DNAH6: variants seen among roughly 807,000 people sequenced by gnomAD.
DNAH6 encodes axonemal beta dynein heavy chain 6.
DNAH6 carries 340 observed loss-of-function variants against 491.4 expected under a neutral mutation model. That is an observed-to-expected ratio of 0.69 (90% confidence interval 0.63 to 0.76). The LOEUF (loss-of-function observed/expected upper bound fraction) is 0.76, where lower values mean the gene tolerates loss of function less well. Among genes scored for constraint, DNAH6 ranks in the 30% least tolerant of loss-of-function variants. The pLI, the probability that DNAH6 is intolerant of heterozygous loss-of-function variation, is 0.00. For synonymous variants in DNAH6, 1,603 were observed against 1,686.1 expected, an observed-to-expected ratio of 0.95 and a Z score of 1.21; for missense variants, 4,443 against 4,972.2, an observed-to-expected ratio of 0.89 and a Z score of 3.20.
At chr2:84,545,252 A>G (rs184808719) in intron 5 of DNAH6, among the ~76,000 whole-genome samples, 7 of 152,312 alleles carry the variant, frequency 4.6e-5, no homozygotes, top group Admixed American at 4.6e-4. Flanking sequence ...ACAATAGGGA[A>G]ACATTCAAGG....
chr2:84,700,989 AGGGGACT>A, intron 48 of DNAH6, 101 bp from the exon 49 acceptor site: 1 of 1,262,196 alleles, frequency 7.9e-7, no homozygotes, highest in Non-Finnish European at 1.1e-6. Context: ...CTAGGTGAAG[AGGGGACT>A]GGGCAGGGAG....
the DNAH6 span, among the ~76,000 whole-genome samples, chr2:84,505,745 T>G: frequency 6.6e-6 from 1 of 152,156 alleles, no homozygotes; most frequent in African/African-American, 2.4e-5. Context: ...TGTGTTATGT[T>G]CCCCTTCCTG....
chr2:84,683,412 A>ATTTTTTTTTT lies in DNAH6; in HGVS notation c.6917-1896_6917-1887dup, dbSNP rs61217837. Reference sequence around the variant, plus strand: ...GTGCCCTTTGTTCTACACCACTCTTATTTTTTTTTTTTTTTTTTTTTTTTT... The same window carrying ATTTTTTTTTT: ...GTGCCCTTTGTTCTACACCACTCTTATTTTTTTTTTTTTTTTTTTTTTTTTTTTTTTTTTT... On this transcript the variant is annotated intron_variant, in intron 42 of 76. Transcript: ENST00000389394. Among the ~76,000 whole-genome samples the ATTTTTTTTTT allele has an allele frequency of 1.8e-4, 17 of 93,898 alleles. 2 individuals carry two copies. Among genetic ancestry groups the ATTTTTTTTTT allele is most frequent in the Non-Finnish European group, 2.7e-4 (13 of 47,920 alleles). The allele number at this position is 93,898 out of a possible 152,430, so 61.6% of individuals were successfully genotyped here.
the DNAH6 span, among the ~76,000 whole-genome samples, chr2:84,505,706 C>G: frequency 5.3e-5 from 8 of 152,110 alleles, no homozygotes; most frequent in Non-Finnish European, 8.8e-5. Flanking sequence ...TATCCCTCCC[C>G]ACTCCCTCCA....
At chr2:84,519,912 T>C (rs1675984562) in intron 2 of DNAH6, among the ~76,000 whole-genome samples, 1 of 152,096 alleles carries the variant, frequency 6.6e-6, no homozygotes, top group Non-Finnish European at 1.5e-5. Context: ...TGTGTGTATT[T>C]GTAATATTTT....
At chr2:84,463,138 G>A in the DNAH6 span, among the ~76,000 whole-genome samples, 1 of 152,158 alleles carries the variant, frequency 6.6e-6, no homozygotes, top group East Asian at 1.9e-4. Flanking sequence ...AGAGAGAATA[G>A]AACATCAGGA....
At chr2:84,569,346 A>G (rs142937208) in intron 11 of DNAH6, among the ~76,000 whole-genome samples, 1 of 152,230 alleles carries the variant, frequency 6.6e-6, no homozygotes, top group African/African-American at 2.4e-5. Context: ...AAGGGAGATA[A>G]ACCAGAAACT....
intron 2 of DNAH6, among the ~76,000 whole-genome samples, chr2:84,519,874 C>T (rs977046110): frequency 6.6e-6 from 1 of 151,804 alleles, no homozygotes; most frequent in South Asian, 2.1e-4. Flanking sequence ...TGTAATTTTA[C>T]AAATGTATGA....
the DNAH6 span, among the ~76,000 whole-genome samples, chr2:84,478,365 T>C: frequency 3.3e-4 from 50 of 152,156 alleles, no homozygotes; most frequent in East Asian, 8.1e-3. Flanking sequence ...TGACAGAGAG[T>C]GGCACTGCTT....
chr2:84,605,536 C>G lies in DNAH6; in HGVS notation c.3118C>G (p.Leu1040Val). 6.4e-7 allele frequency: 1 copy of G among 1,551,446 alleles called. No homozygotes were observed. Among genetic ancestry groups the G allele is most frequent in the South Asian group, 1.2e-5 (1 of 84,042 alleles). The change falls in exon 20 of 77, where the codon CTG (leucine) becomes GTG (valine). Residue 1040 changes from leucine to valine, a missense_variant. Physicochemically the swap from Leu to Val is conservative, Grantham distance 32 (BLOSUM62 1). Transcript: ENST00000389394. ...DSWKTTEFVILPHRDSKDVFI... is the reference protein window; with the variant it reads ...DSWKTTEFVIVPHRDSKDVFI... The stretch of plus-strand genomic sequence containing the variant: ...TTGGAAAACAACTGAATTTGTCATT[C>G]TGCCTCACCGTGACTCCAAAGATGT...
chr2:84,474,089 G>A, the DNAH6 span, among the ~76,000 whole-genome samples: 2 of 152,034 alleles, frequency 1.3e-5, no homozygotes, highest in South Asian at 4.2e-4. Flanking sequence ...GGCAGCTAAA[G>A]GAATGGTAAA....
intron 37 of DNAH6, among the ~76,000 whole-genome samples, chr2:84,668,604 A>G (rs890253176): frequency 6.6e-6 from 1 of 152,088 alleles, no homozygotes; most frequent in Admixed American, 6.5e-5. Context: ...AGCATACACC[A>G]TATTTTCCAT....
At chr2:84,778,121 G>GT in intron 64 of DNAH6, 2 of 781,044 alleles carry the variant, frequency 2.6e-6, no homozygotes, top group Non-Finnish European at 4.7e-6. Context: ...GCATGGCACA[G>GT]GCCATGCCAA....
chr2:84,589,157 G>A (rs1192790378), intron 16 of DNAH6, among the ~76,000 whole-genome samples: 1 of 152,148 alleles, frequency 6.6e-6, no homozygotes, highest in African/African-American at 2.4e-5. Flanking sequence ...ATGAGATACC[G>A]AATATCTTTC....
At chr2:84,813,938 T>C (rs754238201) in intron 74 of DNAH6, 33 bp from the exon 75 acceptor site, 1 of 1,550,334 alleles carries the variant, frequency 6.5e-7, no homozygotes, top group South Asian at 1.2e-5. Context: ...GCAGTGTTGT[T>C]TGAACGCAGC....
intron 51 of DNAH6, among the ~76,000 whole-genome samples, 171 bp from the exon 52 acceptor site, chr2:84,705,315 G>A (rs907825698): frequency 5.3e-5 from 8 of 151,748 alleles, no homozygotes; most frequent in Non-Finnish European, 8.8e-5. Context: ...TTTTCTTTTC[G>A]CCCCCTGAAT....
At chr2:84,662,661 A>G (rs990400464) in intron 37 of DNAH6, among the ~76,000 whole-genome samples, 3 of 151,930 alleles carry the variant, frequency 2.0e-5, no homozygotes, top group African/African-American at 7.3e-5. Context: ...GCCTCTGTAG[A>G]CTCCACCTCT....
Position 84,745,158 on chromosome 2 carries a change from A to G in DNAH6, c.10421A>G (p.Gln3474Arg). The change falls in exon 63 of 77, where the codon CAG becomes CGG. Residue 3474 changes from glutamine to arginine, a missense_variant. This residue lies in a region of DNAH6 where 1,463 missense variants were observed against 1,656.6 expected (regional missense o/e 0.88). Coordinates refer to ENST00000389394, the MANE Select transcript of DNAH6 (RefSeq NM_001370.2). ...AAACACGAAGATAAACACATGAGAC[A>G]GGAAAAGGAGGCAGCACACCAAGAT... ...KMKHEDKHMR[Q>R]EKEAAHQDPW... is the part of the protein sequence containing the mutation. The G allele has an allele frequency of 6.5e-7, 1 of 1,550,014 alleles. No individual in the cohort carries two copies. The highest frequency in any genetic ancestry group is 8.7e-7 in the Non-Finnish European group (1 of 1,146,050).
At chr2:84,763,125 G>T (rs191041167) in intron 64 of DNAH6, among the ~76,000 whole-genome samples, 180 bp downstream of exon 64, 2 of 152,196 alleles carry the variant, frequency 1.3e-5, no homozygotes, top group Non-Finnish European at 2.9e-5. Context: ...AGTCATAAAC[G>T]TAGCTGTAAA....
Sources: gnomAD v4.1 joint callset for allele counts (sites outside exome capture counted in the v4.1 genomes callset) on GRCh38, gnomAD v4.1.1 for gene constraint, gnomAD v4.1.1 regional missense constraint, MANE v1.5 for transcripts, NCBI Gene and HGNC (gene_info 2026-07-23, HGNC 2026-07-21) for gene names.